THRB: variants seen among roughly 807,000 people sequenced by gnomAD.
THRB encodes the protein thyroid hormone receptor beta.
Under a neutral mutation model 47.8 loss-of-function variants are expected in THRB, and 12 were observed. That is an observed-to-expected ratio of 0.25 (90% CI 0.16 to 0.41). The LOEUF is 0.41. Among genes scored for constraint, THRB ranks in the 10% least tolerant of loss-of-function variants. The probability of loss-of-function intolerance (pLI) is 1.00; values close to 1 mark genes in which losing one functional copy is unlikely to be tolerated. For synonymous variants in THRB, 218 were observed against 212.2 expected, an observed-to-expected ratio of 1.03 and a Z score of -0.24; for missense variants, 348 against 589.2, an observed-to-expected ratio of 0.59 and a Z score of 4.24.
chr3:24,143,386 C>G (rs2035685908), intron 8 of THRB, 115 bp downstream of exon 8: 2 of 1,058,504 alleles, frequency 1.9e-6, no homozygotes, highest in Admixed American at 1.8e-5. Context: ...GCTACGGTTT[C>G]CCTATCAGTA....
chr3:24,393,344 CAG>C (rs1404866922), intron 1 of THRB, among the ~76,000 whole-genome samples: 1 of 152,146 alleles, frequency 6.6e-6, no homozygotes, highest in Non-Finnish European at 1.5e-5. Context: ...TTCTGCTGAA[CAG>C]AGTTTTACAC....
chr3:24,459,754 T>C (rs1449191172), intron 1 of THRB, among the ~76,000 whole-genome samples: 1 of 152,206 alleles, frequency 6.6e-6, no homozygotes, highest in Non-Finnish European at 1.5e-5. Context: ...GCTGCATAAA[T>C]GTCTTCTTTT....
chr3:24,373,120 A>G (rs2065035972), intron 1 of THRB, among the ~76,000 whole-genome samples: 1 of 152,040 alleles, frequency 6.6e-6, no homozygotes, highest in Non-Finnish European at 1.5e-5. Context: ...TTAAGATTTC[A>G]TTTGGAAAGA....
intron 2 of THRB, among the ~76,000 whole-genome samples, chr3:24,317,461 T>G (rs1240110788): frequency 6.6e-6 from 1 of 152,150 alleles, no homozygotes; most frequent in Non-Finnish European, 1.5e-5. Flanking sequence ...AGCAGATCTT[T>G]TATTAGAAAT....
chr3:24,337,172 G>A (rs1482544979), intron 2 of THRB, 128 bp downstream of exon 2: 2 of 152,042 alleles, frequency 1.3e-5, no homozygotes, highest in African/African-American at 2.4e-5. Context: ...AATACCTATA[G>A]AGTTCAAAAC....
intron 3 of THRB, among the ~76,000 whole-genome samples, chr3:24,291,954 T>C (rs777857694): frequency 6.6e-6 from 1 of 152,182 alleles, no homozygotes; most frequent in African/African-American, 2.4e-5. Flanking sequence ...AATTGCAACA[T>C]TCTGGAAATA....
chr3:24,287,283 C>T (rs2055409902), intron 3 of THRB, among the ~76,000 whole-genome samples: 1 of 152,152 alleles, frequency 6.6e-6, no homozygotes, highest in Admixed American at 6.5e-5. Flanking sequence ...AAATCAGATT[C>T]CTAGGGCTAC....
chr3:24,345,600 A>T (rs185342773), intron 1 of THRB, among the ~76,000 whole-genome samples: 46 of 152,272 alleles, frequency 3.0e-4, no homozygotes, highest in Non-Finnish European at 4.7e-4. Flanking sequence ...TAAGTTCAAT[A>T]TTAAAAATGT....
At chr3:24,431,264 A>C (rs60862138) in intron 1 of THRB, among the ~76,000 whole-genome samples, 4 of 36,390 alleles carry the variant, frequency 1.1e-4, no homozygotes, top group Non-Finnish European at 1.3e-4. Flanking sequence ...CTCTCTCTAC[A>C]CACACACACA....
At chr3:24,353,383 C>A (rs925231426) in intron 1 of THRB, among the ~76,000 whole-genome samples, 5 of 152,018 alleles carry the variant, frequency 3.3e-5, no homozygotes, top group African/African-American at 1.2e-4. Context: ...CAAAACTGAG[C>A]AATAGACAAA....
intron 1 of THRB, among the ~76,000 whole-genome samples, chr3:24,443,942 C>G (rs1462412821): frequency 1.3e-5 from 2 of 152,164 alleles, no homozygotes; most frequent in Non-Finnish European, 2.9e-5. Flanking sequence ...ATCCCATACT[C>G]TGGCTTCCAT....
chr3:24,130,779 C>T (rs2033734015), intron 9 of THRB, among the ~76,000 whole-genome samples: 1 of 152,106 alleles, frequency 6.6e-6, no homozygotes, highest in Admixed American at 6.6e-5. Context: ...CCAGGCTTTA[C>T]CCTTCAGACA....
In THRB at chr3:24,131,602, C is replaced by T. The variant is rs368971070; in HGVS notation, c.885+1714G>A. Among the ~76,000 whole-genome samples the T allele has an allele frequency of 6.9e-4, 105 of 152,238 alleles. 1 individual carries two copies. The South Asian group carries it at 9.1e-3, about 13-fold the overall frequency. On this transcript the variant is annotated intron_variant, in intron 9 of 10. Coordinates refer to ENST00000646209, the MANE Select transcript of THRB (RefSeq NM_001354712.2). The stretch of plus-strand genomic sequence containing the variant: ...ATCCCCAGTGTGATGGTATTGAAGG[C>T]GGGGCCTTTGGGAGGTGATGAGGTC...
chr3:24,341,173 CTTTCCTTTCCTTTCG>C (rs1297432906), intron 1 of THRB, among the ~76,000 whole-genome samples: 1 of 65,888 alleles, frequency 1.5e-5, no homozygotes, highest in Non-Finnish European at 2.6e-5. Context: ...TTCCTTATTC[CTTTCCTTTCCTTTCG>C]TTTCCTTTCC....
At chr3:24,139,293 G>A (rs2035112338) in intron 8 of THRB, among the ~76,000 whole-genome samples, 1 of 152,226 alleles carries the variant, frequency 6.6e-6, no homozygotes, top group Non-Finnish European at 1.5e-5. Flanking sequence ...ATTTGCCAAA[G>A]ACTCTAATTT....
chr3:24,243,130 G>A (rs975407690), intron 3 of THRB, among the ~76,000 whole-genome samples: 5 of 148,794 alleles, frequency 3.4e-5, no homozygotes, highest in Non-Finnish European at 5.9e-5. Context: ...GCCAATTAGT[G>A]TCTGTAGCTC....
At chr3:24,129,187 C>T (rs1221057265) in intron 9 of THRB, among the ~76,000 whole-genome samples, 1 of 152,096 alleles carries the variant, frequency 6.6e-6, no homozygotes, top group African/African-American at 2.4e-5. Flanking sequence ...CATATGAATT[C>T]TCTCCTTCCG....
chr3:24,273,880 T>C (rs1227816348), intron 3 of THRB, among the ~76,000 whole-genome samples: 1 of 152,104 alleles, frequency 6.6e-6, no homozygotes, highest in Admixed American at 6.6e-5. Flanking sequence ...TGTATGTATG[T>C]ATCTTTTTGA....
intron 6 of THRB, among the ~76,000 whole-genome samples, chr3:24,150,375 T>TAAGTG (rs1559459340): frequency 2.0e-5 from 3 of 152,204 alleles, no homozygotes; most frequent in Non-Finnish European, 2.9e-5. Context: ...GCTTTGTCAT[T>TAAGTG]ATATTAAGTG....
Sources: gnomAD v4.1 joint callset for allele counts (sites outside exome capture counted in the v4.1 genomes callset) on GRCh38, gnomAD v4.1.1 for gene constraint, MANE v1.5 for transcripts, NCBI Gene and HGNC (gene_info 2026-07-23, HGNC 2026-07-21) for gene names.